CPO: variants seen among roughly 807,000 people sequenced by gnomAD.
CPO encodes metallocarboxypeptidase C.
In CPO, 43 loss-of-function variants were observed where a neutral mutation model predicts 41.2. The ratio of observed to expected loss-of-function variants is 1.04; its 90% CI spans 0.82 to 1.35. The LOEUF (loss-of-function observed/expected upper bound fraction) is 1.35. Among genes scored for constraint, CPO ranks in the 40% most tolerant of loss-of-function variants. CPO has a pLI of 0.00. For missense variants in CPO, 408 were observed against 451.7 expected, an observed-to-expected ratio of 0.90 and a Z score of 0.88; for synonymous variants, 178 against 162.7, an observed-to-expected ratio of 1.09 and a Z score of -0.72.
At chr2:206,953,420 T>C (rs1332025248) in intron 2 of CPO, among the ~76,000 whole-genome samples, 2 of 152,236 alleles carry the variant, frequency 1.3e-5, no homozygotes. Flanking sequence ...CGAAATCCAA[T>C]AGAGCAGTAA....
intron 1 of CPO, among the ~76,000 whole-genome samples, chr2:206,947,566 T>C (rs1358077170): frequency 6.6e-6 from 1 of 152,128 alleles, no homozygotes; most frequent in African/African-American, 2.4e-5. Context: ...TTCATTAAAA[T>C]TGGAAACTTC....
chr2:206,951,377 G>A (rs1693260586), intron 2 of CPO, among the ~76,000 whole-genome samples: 1 of 152,166 alleles, frequency 6.6e-6, no homozygotes, highest in South Asian at 2.1e-4. Context: ...GTATGTATGT[G>A]ACATTATGCA....
At chr2:206,954,270 C>T (rs990295097) in intron 2 of CPO, among the ~76,000 whole-genome samples, 2 of 152,338 alleles carry the variant, frequency 1.3e-5, no homozygotes, top group African/African-American at 2.4e-5. Flanking sequence ...AAACTTTATG[C>T]TCTGTCCCCT....
chr2:206,945,086 A>T (rs1004389151), intron 1 of CPO, among the ~76,000 whole-genome samples: 2 of 152,180 alleles, frequency 1.3e-5, no homozygotes, highest in Admixed American at 1.3e-4. Context: ...TTAAACACAG[A>T]TTATCTTATT....
At chr2:206,963,297 T>C (rs1453358215) in intron 7 of CPO, among the ~76,000 whole-genome samples, 3 of 152,268 alleles carry the variant, frequency 2.0e-5, no homozygotes, top group South Asian at 2.1e-4. Context: ...AAATTTAGAA[T>C]TGCAAATTGT....
intron 1 of CPO, among the ~76,000 whole-genome samples, chr2:206,946,639 G>T (rs1459203948): frequency 6.6e-6 from 1 of 152,006 alleles, no homozygotes; most frequent in Admixed American, 6.6e-5. Context: ...AAAATAAAAA[G>T]TATACAGATT....
At chr2:206,958,468 G>A (rs1693414909) in intron 4 of CPO, 63 bp downstream of exon 4, 3 of 873,068 alleles carry the variant, frequency 3.4e-6, no homozygotes, top group South Asian at 1.7e-5. Context: ...TCACTTCTTG[G>A]CTGCTTACAA....
In CPO at chr2:206,945,548, A is replaced by G. The variant is rs190512665; in HGVS notation, c.69-4069A>G. Reference sequence around the variant, plus strand: ...TTACTAGCTCTGTGACTCTTTGCTAATTACCTAATTTCTCTTGGTCTCAGT... The same window carrying G: ...TTACTAGCTCTGTGACTCTTTGCTAGTTACCTAATTTCTCTTGGTCTCAGT... On this transcript the variant is annotated intron_variant, in intron 1 of 8. Coordinates refer to ENST00000272852, the MANE Select transcript of CPO (RefSeq NM_173077.3). Among the ~76,000 whole-genome samples, 914 of 152,310 alleles carry G rather than the reference A, an allele frequency of 6.0e-3. 14 individuals are homozygous for G. Among genetic ancestry groups the G allele is most frequent in the Non-Finnish European group, 7.8e-3 (531 of 68,014 alleles).
Position 206,969,445 on chromosome 2 carries a change from T to C in CPO, c.*9T>C. The C allele has an allele frequency of 1.2e-6, 2 of 1,613,400 alleles. No individual in the cohort carries two copies. Among genetic ancestry groups the C allele is most frequent in the African/African-American group, 1.3e-5 (1 of 75,058 alleles). On this transcript the variant is annotated 3_prime_UTR_variant, in exon 9 of 9. Transcript: ENST00000272852. Reference sequence around the variant, plus strand: ...GCATGTCTCTTCTCTAAGTGCATTCTGCCCAGGCCTGCTCAACCCCAGTGG... The same window carrying C: ...GCATGTCTCTTCTCTAAGTGCATTCCGCCCAGGCCTGCTCAACCCCAGTGG...
At chr2:206,948,995 G>A (rs963182035) in intron 1 of CPO, among the ~76,000 whole-genome samples, 2 of 151,646 alleles carry the variant, frequency 1.3e-5, no homozygotes, top group Non-Finnish European at 2.9e-5. Context: ...GGAACTATCT[G>A]CATTTTCTGC....
chr2:206,946,168 G>T (rs1693141677), intron 1 of CPO, among the ~76,000 whole-genome samples: 1 of 150,596 alleles, frequency 6.6e-6, no homozygotes, highest in Non-Finnish European at 1.5e-5. Flanking sequence ...CAAAATCAAA[G>T]AATTAAAAGA....
chr2:206,962,389 T>C, intron 6 of CPO, 23 bp from the exon 7 acceptor site: 1 of 1,606,610 alleles, frequency 6.2e-7, no homozygotes, highest in Non-Finnish European at 8.5e-7. Flanking sequence ...GCAGCCTTCT[T>C]TGTGGTTTCT....
Position 206,958,413 on chromosome 2 carries a change from T to TAC in CPO, c.372+8_372+9insAC. 1.4e-6 allele frequency: 2 copies of TAC among 1,464,968 alleles called. No individual in the cohort carries two copies. Among genetic ancestry groups the TAC allele is most frequent in the Admixed American group, 1.8e-5 (1 of 55,660 alleles). 90.7% of individuals were successfully genotyped at this position (1,464,968 alleles called of 1,614,324 possible). On this transcript the variant is annotated intron_variant, in intron 4 of 8. Coordinates refer to ENST00000272852, the MANE Select transcript of CPO (RefSeq NM_173077.3). ...CAATGGTTCGTCAAAGAAGTAAGTG[T>TAC]CTTTAGCTTTCTCATACTGGTAAAT...
At chr2:206,960,096 C>A (rs537438687) in intron 5 of CPO, among the ~76,000 whole-genome samples, 5 of 152,290 alleles carry the variant, frequency 3.3e-5, no homozygotes, top group African/African-American at 1.2e-4. Flanking sequence ...GTTCTAGAAG[C>A]ATGAAGGCAA....
chr2:206,939,720 T>C, intron 1 of CPO, 53 bp downstream of exon 1: 1 of 1,508,688 alleles, frequency 6.6e-7, no homozygotes, highest in Non-Finnish European at 9.2e-7. Flanking sequence ...ATTGTCTAAA[T>C]TGAATGGTTT....
At chr2:206,950,632 T>C (rs1693243204) in intron 2 of CPO, among the ~76,000 whole-genome samples, 1 of 152,198 alleles carries the variant, frequency 6.6e-6, no homozygotes, top group Admixed American at 6.5e-5. Flanking sequence ...TGCACATGTA[T>C]GTTTATTGTG....
chr2:206,969,224 T>A lies in CPO; in HGVS notation c.913T>A (p.Phe305Ile), dbSNP rs1693639235. ...RDWARDIGIP[F>I]SYTFELRDSG... is the part of the protein sequence containing the mutation. ...TTGGGCCCGAGACATTGGGATTCCC[T>A]TCTCATATACGTTTGAGCTGAGGGA... is the stretch of plus-strand genomic sequence containing the variant. Residue 305 changes from phenylalanine (F) to isoleucine (I), a missense_variant, in exon 9 of 9, where the codon TTC (phenylalanine) becomes ATC (isoleucine). Physicochemically the swap from Phe to Ile is conservative, Grantham distance 21. Coordinates refer to ENST00000272852, the MANE Select transcript of CPO (RefSeq NM_173077.3). 6.2e-7 allele frequency: 1 copy of A among 1,614,062 alleles called. No individual in the cohort carries two copies. The highest frequency in any genetic ancestry group is 1.3e-5 in the African/African-American group (1 of 74,938).
At chr2:206,944,260 C>T (rs993842) in intron 1 of CPO, among the ~76,000 whole-genome samples, 60,891 of 151,618 alleles carry the variant, frequency 0.4, 13,720 homozygotes, top group Non-Finnish European at 0.53. Context: ...TATAAAGACA[C>T]GAAATTTGCT....
chr2:206,950,846 G>A (rs775854366), intron 2 of CPO, among the ~76,000 whole-genome samples: 1 of 148,888 alleles, frequency 6.7e-6, no homozygotes, highest in African/African-American at 2.5e-5. Flanking sequence ...AACGCTGCAT[G>A]TTCTCACCCA....
Sources: gnomAD v4.1 joint callset for allele counts (sites outside exome capture counted in the v4.1 genomes callset) on GRCh38, gnomAD v4.1.1 for gene constraint, MANE v1.5 for transcripts, NCBI Gene and HGNC (gene_info 2026-07-23, HGNC 2026-07-21) for gene names.